Variants in TMTC1 observed in about 807,000 individuals in gnomAD.
TMTC1 encodes protein O-mannosyl-transferase TMTC1.
In TMTC1, 73 loss-of-function variants were observed where a neutral mutation model predicts 104.8. The observed-to-expected ratio is 0.70, with a 90% CI of 0.58 to 0.85. The LOEUF (loss-of-function observed/expected upper bound fraction) is 0.85. Among genes scored for constraint, TMTC1 ranks in the 40% least tolerant of loss-of-function variants. The pLI is 0.00. For synonymous variants in TMTC1, 434 were observed against 428.7 expected, an observed-to-expected ratio of 1.01 and a Z score of -0.15; for missense variants, 1,035 against 1,096.1, an observed-to-expected ratio of 0.94 and a Z score of 0.79.
At chr12:29,718,970 G>T (rs1403891256) in intron 5 of TMTC1, among the ~76,000 whole-genome samples, 1 of 149,436 alleles carries the variant, frequency 6.7e-6, no homozygotes, top group Non-Finnish European at 1.5e-5. Context: ...AGTGGACTTA[G>T]CATATTAGTC....
At chr12:29,521,411 C>T (rs939458376) in intron 11 of TMTC1, among the ~76,000 whole-genome samples, 1 of 152,146 alleles carries the variant, frequency 6.6e-6, no homozygotes, top group Non-Finnish European at 1.5e-5. Flanking sequence ...GGTGTACCTC[C>T]AACCTGTGTG....
chr12:29,652,800 G>A (rs1044202881), intron 5 of TMTC1, among the ~76,000 whole-genome samples: 31 of 152,180 alleles, frequency 2.0e-4, no homozygotes, highest in Admixed American at 5.9e-4. Context: ...AGTGGCTCAC[G>A]CCTGAAATTC....
intron 9 of TMTC1, among the ~76,000 whole-genome samples, chr12:29,559,799 T>A (rs148451193): frequency 2.4e-4 from 36 of 152,298 alleles, no homozygotes; most frequent in African/African-American, 8.7e-4. Flanking sequence ...GCTAGCAATA[T>A]CCTTTCTCTC....
chr12:29,733,500 T>G (rs962154528), intron 5 of TMTC1, among the ~76,000 whole-genome samples: 2 of 152,224 alleles, frequency 1.3e-5, no homozygotes, highest in African/African-American at 2.4e-5. Flanking sequence ...ATTATTTTTA[T>G]GCCTAACACC....
intron 5 of TMTC1, among the ~76,000 whole-genome samples, chr12:29,698,918 T>G (rs1302567287): frequency 2.0e-5 from 3 of 152,246 alleles, no homozygotes; most frequent in African/African-American, 7.2e-5. Context: ...CAATTAGGCC[T>G]GTCAGCATTC....
intron 11 of TMTC1, 195 bp from the exon 12 acceptor site, chr12:29,520,915 A>G (rs1944133515): frequency 1.8e-6 from 1 of 561,094 alleles, no homozygotes; most frequent in African/African-American, 1.9e-5. Flanking sequence ...AATACCCAAA[A>G]TTCATATCTG....
At chr12:29,530,320 T>C (rs905650822) in intron 11 of TMTC1, among the ~76,000 whole-genome samples, 1 of 152,142 alleles carries the variant, frequency 6.6e-6, no homozygotes, top group African/African-American at 2.4e-5. Context: ...ACTAGCACTT[T>C]TGAAAGACTT....
intron 6 of TMTC1, among the ~76,000 whole-genome samples, chr12:29,630,665 C>T (rs1299022566): frequency 6.6e-6 from 1 of 152,190 alleles, no homozygotes; most frequent in Non-Finnish European, 1.5e-5. Context: ...CTGAGTTCGT[C>T]CATTTGCATG....
At chr12:29,564,028 C>T (rs775630024) in intron 9 of TMTC1, among the ~76,000 whole-genome samples, 1 of 151,572 alleles carries the variant, frequency 6.6e-6, no homozygotes, top group Admixed American at 6.6e-5. Flanking sequence ...ACTGGGAGTG[C>T]GAGGGAGGGG....
intron 9 of TMTC1, among the ~76,000 whole-genome samples, chr12:29,565,127 C>A (rs931228187): frequency 3.9e-5 from 6 of 152,058 alleles, no homozygotes; most frequent in Non-Finnish European, 8.8e-5. Flanking sequence ...GCAGGGTAGG[C>A]GGCAGGCTGG....
intron 8 of TMTC1, 122 bp from the exon 9 acceptor site, chr12:29,572,340 C>T (rs1945702132): frequency 1.2e-6 from 1 of 820,352 alleles, no homozygotes; most frequent in Non-Finnish European, 1.9e-6. Flanking sequence ...TAAAACAAGG[C>T]ATTGTAGCCT....
chr12:29,772,095 A>C (rs1427321865), intron 1 of TMTC1, among the ~76,000 whole-genome samples: 1 of 152,244 alleles, frequency 6.6e-6, no homozygotes, highest in Non-Finnish European at 1.5e-5. Context: ...GTCTTCCCAA[A>C]GGCTAGGTTT....
At chr12:29,718,919 C>T (rs10843496) in intron 5 of TMTC1, among the ~76,000 whole-genome samples, 62,777 of 137,754 alleles carry the variant, frequency 0.46, 14,425 homozygotes, top group South Asian at 0.61. Flanking sequence ...GGTGACAGAG[C>T]GAGACTCCAT....
At chr12:29,690,282 C>T (rs2219763) in intron 5 of TMTC1, among the ~76,000 whole-genome samples, 21,052 of 152,116 alleles carry the variant, frequency 0.14, 1,739 homozygotes, top group East Asian at 0.34. Context: ...ATATTGCTTT[C>T]CTTATGAGAT....
At chr12:29,764,045 T>C (rs560099671) in intron 2 of TMTC1, among the ~76,000 whole-genome samples, 10 of 152,316 alleles carry the variant, frequency 6.6e-5, no homozygotes, top group African/African-American at 2.4e-4. Context: ...TCATGGTTAG[T>C]GAAAAATATA....
At chr12:29,591,589 C>T (rs1312685242) in intron 7 of TMTC1, among the ~76,000 whole-genome samples, 1 of 152,174 alleles carries the variant, frequency 6.6e-6, no homozygotes. Context: ...ACCACTGCTG[C>T]CTTCGAGAAT....
rs140009038 is a variant in TMTC1, at chr12:29,643,430, GAT to G, written c.939-10096_939-10095del. Among the ~76,000 whole-genome samples the G allele has an allele frequency of 4.1e-4, 50 of 121,090 alleles. 1 individual carries two copies. In the South Asian group the frequency reaches 7.9e-3, roughly 19 times the overall value. 79.4% of individuals were successfully genotyped at this position (121,090 alleles called of 152,430 possible). ...ATCAATCAACGAGTGGATAAACTGT[GAT>G]ATATATATATATATCACATATATAT... On this transcript the variant is annotated intron_variant, in intron 5 of 17. Transcript: ENST00000539277.
chr12:29,675,293 A>C (rs1186376493), intron 5 of TMTC1, among the ~76,000 whole-genome samples: 1 of 152,208 alleles, frequency 6.6e-6, no homozygotes, highest in Admixed American at 6.5e-5. Flanking sequence ...CTCAAGTCCA[A>C]CTGAACGTCC....
At chr12:29,577,482 T>C (rs1565683279) in intron 8 of TMTC1, among the ~76,000 whole-genome samples, 1 of 152,192 alleles carries the variant, frequency 6.6e-6, no homozygotes, top group South Asian at 2.1e-4. Context: ...ATCCTCCTTA[T>C]GGCCTAATGA....
Sources: gnomAD v4.1 joint callset for allele counts (sites outside exome capture counted in the v4.1 genomes callset) on GRCh38, gnomAD v4.1.1 for gene constraint, MANE v1.5 for transcripts, NCBI Gene and HGNC (gene_info 2026-07-23, HGNC 2026-07-21) for gene names.